ELAPOR2: variants seen among roughly 807,000 people sequenced by gnomAD.
ELAPOR2 encodes endosome/lysosome-associated apoptosis and autophagy regulator family member 2.
ELAPOR2 carries 89 observed loss-of-function variants against 120.7 expected under a neutral mutation model. The ratio of observed to expected loss-of-function variants is 0.74; its 90% confidence interval spans 0.62 to 0.88. The LOEUF (loss-of-function observed/expected upper bound fraction) is 0.88, where lower values mean the gene tolerates loss of function less well. Among genes scored for constraint, ELAPOR2 ranks in the 40% least tolerant of loss-of-function variants. The pLI, the probability that ELAPOR2 is intolerant of heterozygous loss-of-function variation, is 0.00. For synonymous variants in ELAPOR2, 444 were observed against 444.9 expected, an observed-to-expected ratio of 1.00 and a Z score of 0.03; for missense variants, 1,134 against 1,251.6, an observed-to-expected ratio of 0.91 and a Z score of 1.42.
chr7:86,928,262 T>A (rs1186223187), intron 8 of ELAPOR2, among the ~76,000 whole-genome samples: 1 of 151,852 alleles, frequency 6.6e-6, no homozygotes, highest in Non-Finnish European at 1.5e-5. Context: ...ATTGGAAAAA[T>A]AAAGGGGCTC....
intron 6 of ELAPOR2, among the ~76,000 whole-genome samples, chr7:86,939,629 G>A (rs1341292826): frequency 6.6e-6 from 1 of 152,046 alleles, no homozygotes; most frequent in Admixed American, 6.6e-5. Flanking sequence ...GATGTTTATT[G>A]TTATTTTTAT....
chr7:86,915,384 AT>A (rs1789524328), intron 12 of ELAPOR2, among the ~76,000 whole-genome samples: 2 of 151,966 alleles, frequency 1.3e-5, no homozygotes, highest in African/African-American at 4.8e-5. Flanking sequence ...GCAGAATGTT[AT>A]TTAATGTTCA....
chr7:87,018,723 G>C (rs1161559151), intron 1 of ELAPOR2, among the ~76,000 whole-genome samples: 4 of 152,154 alleles, frequency 2.6e-5, no homozygotes, highest in African/African-American at 9.7e-5. Flanking sequence ...TGTGGAAATG[G>C]GTTCCCTGAA....
intron 10 of ELAPOR2, among the ~76,000 whole-genome samples, chr7:86,923,630 T>C (rs904668481): frequency 2.0e-5 from 3 of 152,120 alleles, no homozygotes; most frequent in African/African-American, 7.2e-5. Flanking sequence ...TCATAAGTGG[T>C]ATTTTTGGCT....
At chr7:86,949,997 T>G (rs1791176330) in intron 2 of ELAPOR2, among the ~76,000 whole-genome samples, 1 of 149,680 alleles carries the variant, frequency 6.7e-6, no homozygotes, top group Non-Finnish European at 1.5e-5. Context: ...TGGGAACTTG[T>G]GGTGCTTTTT....
intron 1 of ELAPOR2, among the ~76,000 whole-genome samples, chr7:86,989,469 G>A (rs1198764100): frequency 6.6e-6 from 1 of 152,170 alleles, no homozygotes; most frequent in Non-Finnish European, 1.5e-5. Context: ...AGAATAGAGA[G>A]TGACATTTTA....
chr7:86,993,926 C>T (rs971294587), intron 1 of ELAPOR2, among the ~76,000 whole-genome samples: 1 of 152,220 alleles, frequency 6.6e-6, no homozygotes, highest in African/African-American at 2.4e-5. Flanking sequence ...TCCTATGAAC[C>T]TATTCAATAC....
At chr7:87,034,701 T>A (rs112015763) in intron 1 of ELAPOR2, among the ~76,000 whole-genome samples, 3,686 of 152,190 alleles carry the variant, frequency 0.024, 166 homozygotes, top group African/African-American at 0.085. Flanking sequence ...TTTCTGCTCT[T>A]AACGTTAGGA....
chr7:87,007,651 G>A (rs1793526579), intron 1 of ELAPOR2, among the ~76,000 whole-genome samples: 1 of 152,152 alleles, frequency 6.6e-6, no homozygotes, highest in Non-Finnish European at 1.5e-5. Flanking sequence ...GCTTCTTGGA[G>A]AAGAGAATAA....
chr7:86,930,034 C>T (rs1046519221), intron 8 of ELAPOR2, among the ~76,000 whole-genome samples: 2 of 151,946 alleles, frequency 1.3e-5, no homozygotes, highest in African/African-American at 4.8e-5. Context: ...TCAGGTACTT[C>T]TTTATAGGAG....
chr7:87,058,217 AC>A (rs1795322258), intron 1 of ELAPOR2, among the ~76,000 whole-genome samples: 1 of 152,002 alleles, frequency 6.6e-6, no homozygotes, highest in Non-Finnish European at 1.5e-5. Flanking sequence ...GAACACAGAT[AC>A]TCTGTAATTC....
At chr7:86,948,118 C>T (rs1177378299) in intron 2 of ELAPOR2, among the ~76,000 whole-genome samples, 196 bp from the exon 3 acceptor site, 1 of 152,212 alleles carries the variant, frequency 6.6e-6, no homozygotes, top group African/African-American at 2.4e-5. Context: ...CTTTGCCCCA[C>T]CCTCTTCCAG....
intron 1 of ELAPOR2, among the ~76,000 whole-genome samples, chr7:87,005,514 T>C (rs1793445072): frequency 6.6e-6 from 1 of 152,146 alleles, no homozygotes; most frequent in Non-Finnish European, 1.5e-5. Context: ...TTTCCCTAGG[T>C]AAAAGCTGAA....
At chr7:86,973,523 G>C (rs1176658126) in intron 1 of ELAPOR2, among the ~76,000 whole-genome samples, 4 of 152,052 alleles carry the variant, frequency 2.6e-5, no homozygotes, top group Non-Finnish European at 5.9e-5. Flanking sequence ...ATAAATCAAT[G>C]TGCCTCTTCC....
intron 16 of ELAPOR2, among the ~76,000 whole-genome samples, chr7:86,909,486 G>A (rs1789193024): frequency 6.6e-6 from 1 of 152,094 alleles, no homozygotes; most frequent in African/African-American, 2.4e-5. Context: ...GTGTAGTTGT[G>A]TTTGTTTACT....
chr7:86,982,010 C>T (rs1767707), intron 1 of ELAPOR2, among the ~76,000 whole-genome samples: 57,615 of 152,210 alleles, frequency 0.38, 11,765 homozygotes, highest in African/African-American at 0.53. Context: ...AGATTATATC[C>T]CGCATCTGGC....
Position 86,983,240 on chromosome 7 carries a change from G to A in ELAPOR2, c.190-18216C>T, listed in dbSNP as rs1255470977. On this transcript the variant is annotated intron_variant, in intron 1 of 21. Transcript: ENST00000450689. ...TGTACCTGAAAGTGACGGGCAGAAT[G>A]GAACCAAGTTGGAAAACACTCTTCA... Among the ~76,000 whole-genome samples, 3 of 152,194 alleles carry A rather than the reference G, an allele frequency of 2.0e-5. No homozygotes were observed. The East Asian group carries it at 5.8e-4, about 29-fold the overall frequency.
intron 3 of ELAPOR2, among the ~76,000 whole-genome samples, chr7:86,946,069 T>G (rs1047737980): frequency 6.6e-6 from 1 of 151,812 alleles, no homozygotes; most frequent in Non-Finnish European, 1.5e-5. Flanking sequence ...TCACAAAAGT[T>G]AATAAACACA....
intron 12 of ELAPOR2, 78 bp from the exon 13 acceptor site, chr7:86,914,938 T>C: frequency 9.1e-7 from 1 of 1,093,412 alleles, no homozygotes; most frequent in Non-Finnish European, 1.3e-6. Context: ...ATTACAAATG[T>C]ATTCATATTT....
Sources: allele counts gnomAD v4.1 joint callset (sites outside exome capture counted in the v4.1 genomes callset), GRCh38; gene constraint gnomAD v4.1.1; transcripts MANE v1.5; gene names NCBI Gene and HGNC (gene_info 2026-07-23, HGNC 2026-07-21).